Variants in MAN2A1 observed in about 807,000 individuals in gnomAD.
The protein encoded by MAN2A1 is mannosidase alpha class 2A member 1.
A neutral mutation model predicts 142.6 loss-of-function variants in MAN2A1; 76 were observed. The observed-to-expected ratio is 0.53, with a 90% CI of 0.44 to 0.65. The LOEUF is 0.65. MAN2A1 is among the 30% of genes least tolerant of loss of function. The pLI, the probability that MAN2A1 is intolerant of heterozygous loss-of-function variation, is 0.00. For synonymous variants in MAN2A1, 559 were observed against 473.2 expected, an observed-to-expected ratio of 1.18 and a Z score of -2.35; for missense variants, 1,311 against 1,365.1, an observed-to-expected ratio of 0.96 and a Z score of 0.62.
intron 10 of MAN2A1, among the ~76,000 whole-genome samples, chr5:109,786,514 TA>T (rs764026322): frequency 5.3e-5 from 8 of 152,202 alleles, no homozygotes; most frequent in Non-Finnish European, 8.8e-5. Flanking sequence ...TTTTAGCTTA[TA>T]AAAACTTCCC....
chr5:109,736,906 T>C (rs1024545665), intron 4 of MAN2A1, among the ~76,000 whole-genome samples: 2 of 152,146 alleles, frequency 1.3e-5, no homozygotes, highest in Non-Finnish European at 2.9e-5. Flanking sequence ...AGCTTTTATG[T>C]TTTTATATGC....
chr5:109,713,805 CCTT>C (rs774090061), intron 2 of MAN2A1, 31 bp downstream of exon 2: 9 of 1,385,198 alleles, frequency 6.5e-6, no homozygotes, highest in South Asian at 1.6e-5. Context: ...TAATCACTGG[CCTT>C]TTTTTTTTTT....
At chr5:109,815,777 G>C (rs923093703) in intron 12 of MAN2A1, among the ~76,000 whole-genome samples, 2 of 152,156 alleles carry the variant, frequency 1.3e-5, no homozygotes, top group Admixed American at 6.5e-5. Flanking sequence ...CAGGATGGAA[G>C]AATACTGGTA....
At chr5:109,819,990 G>T in intron 14 of MAN2A1, 103 bp downstream of exon 14, 1 of 890,266 alleles carries the variant, frequency 1.1e-6, no homozygotes, top group Non-Finnish European at 1.7e-6. Context: ...AAGTAGAGCT[G>T]TATCAAATAC....
chr5:109,733,831 G>T (rs1260018984), intron 4 of MAN2A1, among the ~76,000 whole-genome samples: 1 of 152,000 alleles, frequency 6.6e-6, no homozygotes, highest in African/African-American at 2.4e-5. Flanking sequence ...CTCTTTTTTG[G>T]TTGTGTCTCT....
chr5:109,823,972 T>A, intron 16 of MAN2A1, 135 bp downstream of exon 16: 1 of 502,202 alleles, frequency 2.0e-6, no homozygotes, highest in East Asian at 3.3e-5. Context: ...TTAATATGAT[T>A]TAAAATATGA....
Position 109,845,982 on chromosome 5 carries a change from T to C in MAN2A1, c.2818T>C (p.Leu940=). The C allele has an allele frequency of 6.2e-7, 1 of 1,612,748 alleles. No individual in the cohort carries two copies. Among genetic ancestry groups the C allele is most frequent in the Non-Finnish European group, 8.5e-7 (1 of 1,179,266 alleles). The change falls in exon 18 of 22, where the codon TTA becomes CTA. Residue 940 remains leucine, a synonymous_variant. Coordinates refer to ENST00000261483, the MANE Select transcript of MAN2A1 (RefSeq NM_002372.4). ...HRLTLLSAQS[L]GVSSLNSGQI... The stretch of plus-strand genomic sequence containing the variant: ...TTTGACACTGCTCTCTGCTCAGTCA[T>C]TAGGGGTTTCGAGTTTGAATAGTGG...
At chr5:109,771,768 C>T (rs1293163725) in intron 7 of MAN2A1, among the ~76,000 whole-genome samples, 3 of 152,070 alleles carry the variant, frequency 2.0e-5, no homozygotes, top group Admixed American at 1.3e-4. Flanking sequence ...TTTATATTTA[C>T]AGGTATTTAC....
At chr5:109,789,638 TA>T in intron 12 of MAN2A1, 111 bp downstream of exon 12, 1 of 691,524 alleles carries the variant, frequency 1.4e-6, no homozygotes, top group Admixed American at 3.3e-5. Context: ...ATTTATTAAT[TA>T]AAAAACTCCT....
intron 12 of MAN2A1, 142 bp downstream of exon 12, chr5:109,789,669 AT>A (rs1483269248): frequency 3.4e-6 from 2 of 591,662 alleles, no homozygotes; most frequent in Non-Finnish European, 6.0e-6. Context: ...ATTTTCTTTC[AT>A]GACTGTGTTA....
chr5:109,792,029 G>C, intron 12 of MAN2A1, among the ~76,000 whole-genome samples: 1 of 152,072 alleles, frequency 6.6e-6, no homozygotes, highest in South Asian at 2.1e-4. Flanking sequence ...GTGTGGATTC[G>C]TAGTTTTTGT....
intron 8 of MAN2A1, 66 bp from the exon 9 acceptor site, chr5:109,781,329 TA>T: frequency 1.2e-6 from 1 of 846,346 alleles, no homozygotes; most frequent in Non-Finnish European, 1.8e-6. Flanking sequence ...TAACTTTCCC[TA>T]ACAGTGTAAG....
intron 2 of MAN2A1, 76 bp downstream of exon 2, chr5:109,713,850 T>G: frequency 7.2e-7 from 1 of 1,397,728 alleles, no homozygotes. Flanking sequence ...TGATGTCTGT[T>G]CTGACTTGGT....
chr5:109,772,328 C>T (rs561041588), intron 7 of MAN2A1, among the ~76,000 whole-genome samples: 10 of 152,190 alleles, frequency 6.6e-5, no homozygotes, highest in African/African-American at 1.2e-4. Context: ...GAGATCTCTC[C>T]ACTGCACTCC....
chr5:109,779,538 C>A (rs1753389332), intron 8 of MAN2A1, among the ~76,000 whole-genome samples: 1 of 147,054 alleles, frequency 6.8e-6, no homozygotes, highest in African/African-American at 2.6e-5. Context: ...TGACTCATTT[C>A]TTTTATGGTT....
Position 109,700,283 on chromosome 5 carries a change from T to A in MAN2A1, c.135+9731T>A, listed in dbSNP as rs911347840. 8.9e-3 allele frequency among the ~76,000 whole-genome samples: 164 copies of A among 18,396 alleles called. No homozygotes were observed. In the African/African-American group the frequency reaches 0.095, roughly 11 times the overall value. The allele number at this position is 18,396 out of a possible 152,430, so 12.1% of individuals were successfully genotyped here. On this transcript the variant is annotated intron_variant, in intron 1 of 21. Coordinates refer to ENST00000261483, the MANE Select transcript of MAN2A1 (RefSeq NM_002372.4). The stretch of plus-strand genomic sequence containing the variant: ...ATTGAAAGTATGAAGTTTTGCCGGT[T>A]TTTTTTTTTTTTTTTGGTCGTTCAC...
At chr5:109,755,849 G>A (rs1752675133) in intron 5 of MAN2A1, among the ~76,000 whole-genome samples, 1 of 152,020 alleles carries the variant, frequency 6.6e-6, no homozygotes, top group Non-Finnish European at 1.5e-5. Context: ...TTCAGGTATT[G>A]CTGTATCCAG....
intron 1 of MAN2A1, among the ~76,000 whole-genome samples, chr5:109,708,998 T>C (rs1582810044): frequency 6.6e-6 from 1 of 152,282 alleles, no homozygotes. Flanking sequence ...ATAATTCTAA[T>C]CAATTGCTAA....
chr5:109,734,119 A>G (rs1302340270), intron 4 of MAN2A1, among the ~76,000 whole-genome samples: 3 of 151,598 alleles, frequency 2.0e-5, no homozygotes, highest in Non-Finnish European at 2.9e-5. Context: ...GAATTTATCC[A>G]TTTCTTCTAG....
Sources: gnomAD v4.1 joint callset for allele counts (sites outside exome capture counted in the v4.1 genomes callset) on GRCh38, gnomAD v4.1.1 for gene constraint, MANE v1.5 for transcripts, NCBI Gene and HGNC (gene_info 2026-07-23, HGNC 2026-07-21) for gene names.